KIFAP3: variants seen among roughly 807,000 people sequenced by gnomAD.
KIFAP3 encodes kinesin associated protein 3.
A neutral mutation model predicts 106.5 loss-of-function variants in KIFAP3; 68 were observed. The observed-to-expected ratio is 0.64, with a 90% CI of 0.53 to 0.78. The LOEUF (loss-of-function observed/expected upper bound fraction) is 0.78, where lower values mean the gene tolerates loss of function less well. KIFAP3 is among the 30% of genes least tolerant of loss of function. KIFAP3 has a pLI of 0.00. For synonymous variants in KIFAP3, 320 were observed against 311.5 expected, an observed-to-expected ratio of 1.03 and a Z score of -0.29; for missense variants, 780 against 941.8, an observed-to-expected ratio of 0.83 and a Z score of 2.25.
chr1:169,932,455 A>C (rs1436587189), intron 19 of KIFAP3, among the ~76,000 whole-genome samples: 1 of 152,166 alleles, frequency 6.6e-6, no homozygotes, highest in African/African-American at 2.4e-5. Flanking sequence ...CAGAATCTTA[A>C]AGTGATAATG....
At chr1:169,928,297 A>G (rs923688604) in intron 19 of KIFAP3, among the ~76,000 whole-genome samples, 5 of 152,078 alleles carry the variant, frequency 3.3e-5, no homozygotes, top group African/African-American at 9.7e-5. Context: ...ACTGGGTTTC[A>G]GCATCTTGGC....
intron 9 of KIFAP3, among the ~76,000 whole-genome samples, chr1:170,017,996 A>C (rs530849861): frequency 3.8e-4 from 58 of 152,372 alleles, no homozygotes; most frequent in African/African-American, 1.3e-3. Context: ...ACTTTAAGAC[A>C]GGGATCAGCA....
chr1:170,033,599 T>C (rs1383484279), intron 7 of KIFAP3, among the ~76,000 whole-genome samples: 3 of 151,702 alleles, frequency 2.0e-5, no homozygotes, highest in Non-Finnish European at 4.4e-5. Context: ...TCTTCAAATA[T>C]GAGAAGAATT....
intron 10 of KIFAP3, among the ~76,000 whole-genome samples, chr1:170,013,600 T>C (rs1016301702): frequency 6.6e-6 from 1 of 152,100 alleles, no homozygotes; most frequent in East Asian, 1.9e-4. Flanking sequence ...TCCACAATCC[T>C]AGCTCTAATC....
At chr1:169,996,674 G>T (rs1667386137) in intron 10 of KIFAP3, among the ~76,000 whole-genome samples, 1 of 152,154 alleles carries the variant, frequency 6.6e-6, no homozygotes, top group South Asian at 2.1e-4. Context: ...GCAGCAGAGG[G>T]AGTGAAATCA....
At chr1:169,954,682 T>C (rs1324836806) in intron 18 of KIFAP3, among the ~76,000 whole-genome samples, 1 of 152,170 alleles carries the variant, frequency 6.6e-6, no homozygotes, top group Non-Finnish European at 1.5e-5. Context: ...AATCTTCATA[T>C]AGTTTACACT....
At chr1:169,981,292 A>T (rs1477957434) in intron 15 of KIFAP3, among the ~76,000 whole-genome samples, 1 of 152,148 alleles carries the variant, frequency 6.6e-6, no homozygotes, top group Non-Finnish European at 1.5e-5. Flanking sequence ...AGTGTGATGT[A>T]ATTTCCCACT....
intron 19 of KIFAP3, among the ~76,000 whole-genome samples, chr1:169,945,872 T>C (rs1273318574): frequency 1.3e-5 from 2 of 152,238 alleles, no homozygotes; most frequent in East Asian, 1.9e-4. Flanking sequence ...TGTGATAATC[T>C]AATAAAATCT....
intron 19 of KIFAP3, among the ~76,000 whole-genome samples, chr1:169,930,039 T>C (rs1334285749): frequency 6.6e-6 from 1 of 152,208 alleles, no homozygotes; most frequent in Admixed American, 6.5e-5. Flanking sequence ...TCTAATTTCA[T>C]TCAAGTTATA....
At chr1:169,926,543 C>A (rs796135944) in intron 19 of KIFAP3, among the ~76,000 whole-genome samples, 19 of 151,890 alleles carry the variant, frequency 1.3e-4, no homozygotes, top group African/African-American at 4.6e-4. Flanking sequence ...CACAAAGTTG[C>A]CTAATATTGA....
intron 9 of KIFAP3, among the ~76,000 whole-genome samples, chr1:170,023,803 G>T (rs1178876650): frequency 6.6e-6 from 1 of 151,982 alleles, no homozygotes; most frequent in East Asian, 1.9e-4. Flanking sequence ...AAGGATCATT[G>T]TATCAACACA....
chr1:169,966,211 C>T (rs147009078), intron 17 of KIFAP3, among the ~76,000 whole-genome samples: 12 of 151,856 alleles, frequency 7.9e-5, no homozygotes, highest in South Asian at 4.1e-4. Context: ...AAAAATACCA[C>T]GGTTATTTTC....
chr1:170,060,374 A>C (rs912235991), intron 1 of KIFAP3, among the ~76,000 whole-genome samples: 1 of 152,198 alleles, frequency 6.6e-6, no homozygotes, highest in Non-Finnish European at 1.5e-5. Flanking sequence ...ATAACAGACA[A>C]ACAGAGAGCC....
intron 10 of KIFAP3, among the ~76,000 whole-genome samples, chr1:170,009,286 A>C (rs1668125684): frequency 6.6e-6 from 1 of 152,166 alleles, no homozygotes; most frequent in Non-Finnish European, 1.5e-5. Flanking sequence ...TTAAAAGCTG[A>C]CATAAAAATT....
chr1:170,045,641 T>C (rs1263876690), intron 3 of KIFAP3, among the ~76,000 whole-genome samples: 1 of 152,234 alleles, frequency 6.6e-6, no homozygotes, highest in African/African-American at 2.4e-5. Context: ...CTAGTCTTAG[T>C]CTTGTCTATT....
chr1:169,987,289 G>A (rs2101921340), intron 11 of KIFAP3, among the ~76,000 whole-genome samples: 1 of 152,128 alleles, frequency 6.6e-6, no homozygotes, highest in South Asian at 2.1e-4. Flanking sequence ...GCTTCAGTCT[G>A]TGCGATGAAG....
chr1:170,033,883 ATTATT>A (rs1669545297), intron 7 of KIFAP3, among the ~76,000 whole-genome samples: 2 of 151,996 alleles, frequency 1.3e-5, no homozygotes, highest in Middle Eastern at 3.4e-3. Context: ...CACAGGTTCT[ATTATT>A]CTATAGGCCT....
intron 1 of KIFAP3, among the ~76,000 whole-genome samples, chr1:170,069,737 C>T (rs1219637453): frequency 6.6e-6 from 1 of 151,918 alleles, no homozygotes; most frequent in Non-Finnish European, 1.5e-5. Flanking sequence ...TGAAAGCTTT[C>T]CCCCTAAGAT....
At chr1:170,039,315 G>T in intron 3 of KIFAP3, 27 bp from the exon 4 acceptor site, 1 of 1,368,124 alleles carries the variant, frequency 7.3e-7, no homozygotes, top group Non-Finnish European at 1.0e-6. Flanking sequence ...TTTTAATAAG[G>T]AGACTTAGGT....
Sources: gnomAD v4.1 joint callset for allele counts (sites outside exome capture counted in the v4.1 genomes callset) on GRCh38, gnomAD v4.1.1 for gene constraint, MANE v1.5 for transcripts, NCBI Gene and HGNC (gene_info 2026-07-23, HGNC 2026-07-21) for gene names.